Variants in MFRP observed in about 807,000 individuals in gnomAD.
MFRP encodes C1q and TNF related 5.
In MFRP, 74 loss-of-function variants were observed where a neutral mutation model predicts 65.8. The observed-to-expected ratio is 1.12, with a 90% confidence interval of 0.93 to 1.36. The LOEUF is 1.36. Among genes scored for constraint, MFRP ranks in the 40% most tolerant of loss-of-function variants. The pLI, the probability that MFRP is intolerant of heterozygous loss-of-function variation, is 0.00. For synonymous variants in MFRP, 336 were observed against 288.3 expected (o/e 1.17, Z -1.68); for missense variants, 838 against 736.0 (o/e 1.14, Z -1.60).
chr11:119,346,187 A>G, intron 2 of MFRP, 28 bp from the exon 3 acceptor site: 1 of 1,571,702 alleles, frequency 6.4e-7, no homozygotes, highest in African/African-American at 1.4e-5. Context: ...GGGTTTTGAA[A>G]GCCCCTTCTG....
Position 119,339,427 on chromosome 11 carries a change from A to T in MFRP, c.*1532T>A. 2 of 1,613,596 alleles carry T rather than the reference A, an allele frequency of 1.2e-6. No individual in the cohort carries two copies. The highest frequency in any genetic ancestry group is 1.7e-6 in the Non-Finnish European group (2 of 1,179,782). On this transcript the variant is annotated 3_prime_UTR_variant, in exon 15 of 15. Coordinates refer to ENST00000619721, the MANE Select transcript of MFRP (RefSeq NM_031433.4). The surrounding 1 kb of genome is among the most constrained non-coding windows in gnomAD (Gnocchi z 5.4). ...TGCTGGCATAGATGCCAATGTAGTC[A>T]CCCACACCCACCTGCACCCACACTT... is the stretch of plus-strand genomic sequence containing the variant.
At chr11:119,345,233 G>A (rs1422160283) in intron 5 of MFRP, among the ~76,000 whole-genome samples, 187 bp downstream of exon 5, 2 of 152,208 alleles carry the variant, frequency 1.3e-5, no homozygotes, top group African/African-American at 4.8e-5. Context: ...TTACAGACTA[G>A]GAAACAGGTG....
intron 13 of MFRP, 96 bp from the exon 14 acceptor site, chr11:119,340,536 C>G (rs182944983): frequency 3.3e-6 from 3 of 918,120 alleles, no homozygotes; most frequent in Non-Finnish European, 4.9e-6. Context: ...ACCCCACTGC[C>G]GTGCCCCTGA....
At chr11:119,345,746 C>G in intron 4 of MFRP, 27 bp downstream of exon 4, 1 of 1,613,382 alleles carries the variant, frequency 6.2e-7, no homozygotes, top group African/African-American at 1.3e-5. Context: ...GGGCCCTTCT[C>G]CCGGAAGATC....
chr11:119,345,710 T>TC (rs780679503), intron 4 of MFRP, 63 bp downstream of exon 4: 2 of 1,611,428 alleles, frequency 1.2e-6, no homozygotes, highest in Non-Finnish European at 1.7e-6. Flanking sequence ...TTCCTCACCC[T>TC]CCCCTCAACC....
rs1192770552 is a variant in MFRP at position 119,339,640 on chromosome 11, G to A, written c.*1319C>T. The A allele has an allele frequency of 3.1e-6, 5 of 1,612,612 alleles. No homozygotes were observed. The highest frequency in any genetic ancestry group is 1.3e-5 in the African/African-American group (1 of 74,960). ...CCCCAGGCACCTGGCAGGTGAACTT[G>A]CCGGTGACGGCGTCGTAATGTCCCT... is the stretch of plus-strand genomic sequence containing the variant. On this transcript the variant is annotated 3_prime_UTR_variant, in exon 15 of 15. Transcript: ENST00000619721. This position sits in a 1 kb window ranked among gnomAD's most constrained non-coding sequence, Gnocchi z 5.4.
Position 119,342,932 on chromosome 11 carries a change from T to C in MFRP, c.1196A>G (p.Asp399Gly). 4.3e-6 allele frequency: 7 copies of C among 1,612,838 alleles called. No homozygotes were observed. Among genetic ancestry groups the C allele is most frequent in the Non-Finnish European group, 5.9e-6 (7 of 1,179,854 alleles). The change falls in exon 10 of 15, where the codon GAT (aspartate) becomes GGT (glycine). Residue 399 changes from aspartate to glycine, a missense_variant. Physicochemically the swap from Asp to Gly is moderately conservative, Grantham distance 94. Coordinates refer to ENST00000619721, the MANE Select transcript of MFRP (RefSeq NM_031433.4). ...GAAGCCTCCACTGCTGATGCCATGA[T>C]CTGTCCTAAACAGCACAGCCAGCTC... Reference protein sequence around the residue: ...HHELAVLFRTDHGISSGGFSA... With the variant: ...HHELAVLFRTGHGISSGGFSA...
rs1950509026 is a variant in MFRP at position 119,342,121 on chromosome 11, G to C, written c.1388-137C>G. 4.8e-6 allele frequency: 5 copies of C among 1,050,076 alleles called. No homozygotes were observed. In the South Asian group the frequency reaches 7.4e-5, roughly 15 times the overall value. The allele number at this position is 1,050,076 out of a possible 1,614,324, so 65.0% of individuals were successfully genotyped here. A position where few individuals can be genotyped will look rare whatever the true frequency, so the allele number is the denominator to read the frequency against. On this transcript the variant is annotated intron_variant, in intron 11 of 14. Coordinates refer to ENST00000619721, the MANE Select transcript of MFRP (RefSeq NM_031433.4). The stretch of plus-strand genomic sequence containing the variant: ...TGTGAGGAAGCAAGAGGATAACAAA[G>C]AGACAGGCTGTACACACTCTGAGGA...
At position 119,343,019 on chromosome 11, in the gene MFRP, A is replaced by AGG. The variant is rs746574063; in HGVS notation, c.1125-17_1125-16insCC. ...TCCACAGAACCTGCCCAAAGCAGAC[A>AGG]GCTGTTCTGGGCACCAGCCCTGGCT... On this transcript the variant is annotated splice_polypyrimidine_tract_variant and intron_variant, in intron 9 of 14. Coordinates refer to ENST00000619721, the MANE Select transcript of MFRP (RefSeq NM_031433.4). The AGG allele has an allele frequency of 2.3e-5, 36 of 1,592,258 alleles. No individual in the cohort carries two copies. Among genetic ancestry groups the AGG allele is most frequent in the Non-Finnish European group, 3.1e-5 (36 of 1,171,262 alleles).
chr11:119,345,530 G>A lies in MFRP; in HGVS notation c.531C>T (p.Ala177=). 1 of 1,614,062 alleles carries A rather than the reference G, an allele frequency of 6.2e-7. No individual in the cohort carries two copies. Residue 177 remains alanine (A), a synonymous_variant, in exon 5 of 15, where the codon GCC becomes GCT. Coordinates refer to ENST00000619721, the MANE Select transcript of MFRP (RefSeq NM_031433.4). ...TCTTGAGCTGTATTGCATGGTCTGTGGCCACCTGGATATGCCACACGCAGT... is the reference window on the plus strand; with the variant it reads ...TCTTGAGCTGTATTGCATGGTCTGTAGCCACCTGGATATGCCACACGCAGT... ...NTHCVWHIQV[A]TDHAIQLKIE...
chr11:119,340,248 A>G lies in MFRP; in HGVS notation c.*1046T>C, dbSNP rs1950488203. On this transcript the variant is annotated 3_prime_UTR_variant, in exon 14 of 15. Coordinates refer to ENST00000619721, the MANE Select transcript of MFRP (RefSeq NM_031433.4). ...GCGCGCCGTCGCGGCCGTCGCGGCC[A>G]TCGCGGCCCGGCAAGCCCTGGCTGC... 15 of 1,514,924 alleles carry G rather than the reference A, an allele frequency of 9.9e-6. No individual in the cohort carries two copies. The highest frequency in any genetic ancestry group is 2.5e-5 in the South Asian group (2 of 80,498). The allele number at this position is 1,514,924 out of a possible 1,614,324, so 93.8% of individuals were successfully genotyped here. A position where few individuals can be genotyped will look rare whatever the true frequency, so the allele number is the denominator to read the frequency against.
In MFRP at chr11:119,341,465, T is replaced by G. The variant is rs1467691167; in HGVS notation, c.*83A>C. ...GAAGGATGGGTAGAGACCCTGCTGA[T>G]GCTCCTTCCTTTGTTCCCCTGCGTG... is the stretch of plus-strand genomic sequence containing the variant. On this transcript the variant is annotated 3_prime_UTR_variant, in exon 13 of 15. Transcript: ENST00000619721. 7.5e-6 allele frequency: 9 copies of G among 1,202,426 alleles called. No homozygotes were observed. The highest frequency in any genetic ancestry group is 1.1e-5 in the Non-Finnish European group (9 of 831,676). 74.5% of individuals were successfully genotyped at this position (1,202,426 alleles called of 1,614,324 possible).
chr11:119,341,499 G>T lies in MFRP; in HGVS notation c.*49C>A. On this transcript the variant is annotated 3_prime_UTR_variant, in exon 13 of 15. Transcript: ENST00000619721. ...CTTTGTTCCCCTGCGTGCCAGCCCT[G>T]ACCGGCAAAAGAGGACGGGCAGGAA... The T allele has an allele frequency of 6.6e-7, 1 of 1,521,216 alleles. No homozygotes were observed. The highest frequency in any genetic ancestry group is 1.1e-5 in the South Asian group (1 of 88,688). 94.2% of individuals were successfully genotyped at this position (1,521,216 alleles called of 1,614,324 possible). A position where few individuals can be genotyped will look rare whatever the true frequency, so the allele number is the denominator to read the frequency against.
Position 119,341,927 on chromosome 11 carries a change from G to A in MFRP, c.1445C>T (p.Thr482Ile). 1 of 1,614,052 alleles carries A rather than the reference G, an allele frequency of 6.2e-7. No individual in the cohort carries two copies. The highest frequency in any genetic ancestry group is 1.1e-5 in the South Asian group (1 of 91,086). ...GCCCACCCAGATGTTAGGGAAGGCTGTGGTGTTGTAGCTCAGACCGAGGCA... is the reference window on the plus strand; with the variant it reads ...GCCCACCCAGATGTTAGGGAAGGCTATGGTGTTGTAGCTCAGACCGAGGCA... Reference protein sequence around the residue: ...EMCLGLSYNTTAFPNIWVGMI... With the variant: ...EMCLGLSYNTIAFPNIWVGMI... The change falls in exon 12 of 15, where the codon ACA (threonine) becomes ATA (isoleucine). Residue 482 changes from threonine to isoleucine, a missense_variant. Physicochemically the swap from Thr to Ile is moderately conservative, Grantham distance 89. Coordinates refer to ENST00000619721, the MANE Select transcript of MFRP (RefSeq NM_031433.4).
At chr11:119,343,064 C>T (rs1002815720) in intron 9 of MFRP, 61 bp from the exon 10 acceptor site, 184 of 1,548,796 alleles carry the variant, frequency 1.2e-4, no homozygotes, top group Non-Finnish European at 2.8e-5. Flanking sequence ...GGCACTGCAG[C>T]CTCCCACAGG....
chr11:119,340,071 C>G (rs551231393), intron 14 of MFRP, 113 bp downstream of exon 14: 175 of 1,340,484 alleles, frequency 1.3e-4, no homozygotes, highest in Non-Finnish European at 1.6e-4. Context: ...GGCTGCAAAG[C>G]GCGGGGAGTG....
chr11:119,345,357 G>A (rs1488239849), intron 5 of MFRP, 63 bp downstream of exon 5: 3 of 1,537,842 alleles, frequency 2.0e-6, no homozygotes, highest in African/African-American at 1.4e-5. Context: ...GCCACTCCCT[G>A]ATTCTGCTCT....
At position 119,340,841 on chromosome 11, in the gene MFRP, T is replaced by G; in HGVS notation, c.*707A>C. On this transcript the variant is annotated 3_prime_UTR_variant, in exon 13 of 15. Coordinates refer to ENST00000619721, the MANE Select transcript of MFRP (RefSeq NM_031433.4). ...CAGTCCTGGTTCGCTCCCTGCCGGC[T>G]CCGCTTTCCTCCTCCCAGACTCCAA... is the stretch of plus-strand genomic sequence containing the variant. 1 of 188,348 alleles carries G rather than the reference T, an allele frequency of 5.3e-6. No individual in the cohort carries two copies. Among genetic ancestry groups the G allele is most frequent in the African/African-American group, 2.4e-5 (1 of 42,160 alleles). 11.7% of individuals were successfully genotyped at this position (188,348 alleles called of 1,614,324 possible).
In MFRP at chr11:119,341,502, C is replaced by T. The variant is rs112157682; in HGVS notation, c.*46G>A. ...TGTTCCCCTGCGTGCCAGCCCTGAC[C>T]GGCAAAAGAGGACGGGCAGGAAGAG... On this transcript the variant is annotated 3_prime_UTR_variant, in exon 13 of 15. Coordinates refer to ENST00000619721, the MANE Select transcript of MFRP (RefSeq NM_031433.4). The T allele has an allele frequency of 5.7e-5, 87 of 1,534,578 alleles. 5 individuals are homozygous for T. The African/African-American group carries it at 6.5e-4, about 12-fold the overall frequency.
Sources: allele counts gnomAD v4.1 joint callset (sites outside exome capture counted in the v4.1 genomes callset), GRCh38; gene constraint gnomAD v4.1.1; non-coding constraint Gnocchi (gnomAD v3.1); transcripts MANE v1.5; gene names NCBI Gene and HGNC (gene_info 2026-07-23, HGNC 2026-07-21).